The following LRRK2 variants were observed in gnomAD, a reference collection of about 807,000 sequenced individuals.
The protein encoded by LRRK2 is leucine rich repeat kinase 2.
In LRRK2, 203 loss-of-function variants were observed where a neutral mutation model predicts 302.6. That is an observed-to-expected ratio of 0.67 (90% confidence interval 0.60 to 0.75). LRRK2 has a LOEUF of 0.75. Among genes scored for constraint, LRRK2 ranks in the 30% least tolerant of loss-of-function variants. The pLI is 0.00. For missense variants in LRRK2, 2,830 were observed against 2,951.0 expected (o/e 0.96, Z 0.95); for synonymous variants, 1,066 against 1,031.9 (o/e 1.03, Z -0.63).
intron 4 of LRRK2, 79 bp downstream of exon 4, chr12:40,235,793 G>GTGTTTT: frequency 2.2e-6 from 1 of 462,710 alleles, no homozygotes; most frequent in Non-Finnish European, 3.7e-6. Flanking sequence ...GTGTGTGTGT[G>GTGTTTT]TTTTTTTTTT....
chr12:40,354,537 A>G, intron 45 of LRRK2, 45 bp downstream of exon 45: 7 of 1,528,276 alleles, frequency 4.6e-6, no homozygotes, highest in Non-Finnish European at 6.3e-6. Context: ...AGATCTTTTA[A>G]ACGACTGAAT....
chr12:40,324,097 G>C (rs1311131187), intron 38 of LRRK2, among the ~76,000 whole-genome samples: 1 of 152,092 alleles, frequency 6.6e-6, no homozygotes, highest in African/African-American at 2.4e-5. Flanking sequence ...ATATGTTACT[G>C]TATGTCATTC....
chr12:40,354,011 CGGAGAG>C (rs201024639), intron 44 of LRRK2, among the ~76,000 whole-genome samples: 7 of 151,722 alleles, frequency 4.6e-5, no homozygotes, highest in Non-Finnish European at 8.8e-5. Flanking sequence ...GAGAGGGAGA[CGGAGAG>C]GGAGAGGGAG....
At chr12:40,278,293 C>T (rs1446653339) in intron 18 of LRRK2, 32 bp downstream of exon 18, 1 of 1,612,442 alleles carries the variant, frequency 6.2e-7, no homozygotes, top group South Asian at 1.1e-5. Context: ...TTTGTCTTTG[C>T]TCAGTATTCT....
At chr12:40,297,433 C>A (rs1471613949) in intron 23 of LRRK2, among the ~76,000 whole-genome samples, 1 of 152,036 alleles carries the variant, frequency 6.6e-6, no homozygotes, top group African/African-American at 2.4e-5. Flanking sequence ...GGAACATTTC[C>A]TGATTAAACC....
chr12:40,264,160 GT>G (rs1942903189), intron 14 of LRRK2, among the ~76,000 whole-genome samples: 1 of 152,104 alleles, frequency 6.6e-6, no homozygotes, highest in Non-Finnish European at 1.5e-5. Context: ...ATCCACTCTA[GT>G]TTGCTCAACC....
rs111341148 is a variant in LRRK2, at chr12:40,298,346, G to A, written c.3200G>A (p.Arg1067Gln). The A allele has an allele frequency of 1.9e-5, 30 of 1,613,626 alleles. No individual in the cohort carries two copies. The highest frequency in any genetic ancestry group is 1.6e-4 in the East Asian group (7 of 44,854). ...MSCIANLDVS[R>Q]NDIGPSVVLD... ...TGTATTGCTAATCTTGATGTCTCTC[G>A]AAATGACATTGGACCCTCAGTGGTT... Residue 1067 changes from arginine to glutamine, a missense_variant, in exon 24 of 51, where the codon CGA becomes CAA. Physicochemically the swap from Arg to Gln is conservative, Grantham distance 43 (BLOSUM62 1). Coordinates refer to ENST00000298910, the MANE Select transcript of LRRK2 (RefSeq NM_198578.4).
rs774591662 is a variant in LRRK2, at chr12:40,363,436, A to C, written c.7063A>C (p.Ile2355Leu). ...TGCAGCTTTCAGTGATTCCAACATC[A>C]TAACAGTGGTGGTAGACACTGCTCT... The part of the protein sequence containing the change: ...SYAAFSDSNI[I>L]TVVVDTALYI... The change falls in exon 48 of 51, where the codon ATA becomes CTA. Residue 2355 changes from isoleucine to leucine, a missense_variant. By Grantham distance (5) the Ile-to-Leu change is conservative (BLOSUM62 2). Around this residue, in one of 3 missense-constraint regions of LRRK2, gnomAD observed 456 missense variants for 456.3 expected, o/e 1.00. Transcript: ENST00000298910. 1 of 1,611,866 alleles carries C rather than the reference A, an allele frequency of 6.2e-7. No individual in the cohort carries two copies. The highest frequency in any genetic ancestry group is 1.7e-5 in the Admixed American group (1 of 59,794).
Position 40,321,079 on chromosome 12 carries a change from C to G in LRRK2, c.5061C>G (p.Asn1687Lys), listed in dbSNP as rs780139602. The G allele has an allele frequency of 6.2e-7, 1 of 1,612,766 alleles. No homozygotes were observed. The highest frequency in any genetic ancestry group is 1.3e-5 in the African/African-American group (1 of 74,840). ...RPVIELPHCE[N>K]SEIIIRLYEM... ...TGATAGAGCTTCCCCATTGTGAGAA[C>G]TCTGAAATTATCATCCGACTATATG... Residue 1687 changes from asparagine to lysine, a missense_variant, in exon 35 of 51, where the codon AAC becomes AAG. Physicochemically the swap from Asn to Lys is moderately conservative, Grantham distance 94 (BLOSUM62 0). Coordinates refer to ENST00000298910, the MANE Select transcript of LRRK2 (RefSeq NM_198578.4).
chr12:40,251,529 G>C lies in LRRK2; in HGVS notation c.1166G>C (p.Gly389Ala), dbSNP rs757025267. The C allele has an allele frequency of 1.9e-6, 3 of 1,611,710 alleles. No individual in the cohort carries two copies. The Admixed American group carries it at 5.0e-5, about 27-fold the overall frequency. The change falls in exon 10 of 51, where the codon GGA becomes GCA. Residue 389 changes from glycine (G) to alanine (A), a missense_variant. By Grantham distance (60) the Gly-to-Ala change is moderately conservative. Transcript: ENST00000298910. ...CAAAACAGTTTACATGAGAAGATTG[G>C]AGATGAAGATGGCCAGTTAGTAGTT... ...MYQNSLHEKI[G>A]DEDGHFPAHR...
intron 12 of LRRK2, among the ~76,000 whole-genome samples, chr12:40,257,660 C>A (rs1592173055): frequency 6.6e-6 from 1 of 152,162 alleles, no homozygotes; most frequent in African/African-American, 2.4e-5. Context: ...TAGCACATAG[C>A]ATACAGCAGT....
intron 7 of LRRK2, among the ~76,000 whole-genome samples, chr12:40,244,541 T>C (rs535092352): frequency 5.4e-4 from 82 of 152,228 alleles, no homozygotes; most frequent in African/African-American, 1.9e-3. Flanking sequence ...AGGGTTAATA[T>C]TTTAAAAAAT....
intron 27 of LRRK2, chr12:40,304,397 C>T: frequency 1.9e-6 from 1 of 540,374 alleles, no homozygotes; most frequent in South Asian, 2.5e-5. Flanking sequence ...AGGTAGTAGC[C>T]TTAATACTTC....
intron 49 of LRRK2, 146 bp downstream of exon 49, chr12:40,365,196 A>G (rs1946840883): frequency 2.8e-6 from 2 of 715,582 alleles, no homozygotes; most frequent in Non-Finnish European, 4.7e-6. Context: ...ACTGGTATAA[A>G]TTGTGAATAG....
chr12:40,264,959 A>G (rs1422547349), intron 14 of LRRK2, among the ~76,000 whole-genome samples: 1 of 152,228 alleles, frequency 6.6e-6, no homozygotes, highest in Non-Finnish European at 1.5e-5. Context: ...TTATAAAAGG[A>G]GGAGCCTATT....
intron 48 of LRRK2, 48 bp downstream of exon 48, chr12:40,363,602 A>T (rs1441870454): frequency 6.3e-7 from 1 of 1,587,754 alleles, no homozygotes; most frequent in African/African-American, 1.3e-5. Context: ...TTATCTTTGC[A>T]CTTCATGTGT....
intron 14 of LRRK2, among the ~76,000 whole-genome samples, chr12:40,270,704 A>G (rs1408724345): frequency 1.3e-5 from 2 of 152,054 alleles, no homozygotes; most frequent in East Asian, 1.9e-4. Context: ...GTATATCTCA[A>G]TGTTAGTCCT....
At chr12:40,232,032 G>T (rs575625788) in intron 2 of LRRK2, among the ~76,000 whole-genome samples, 43 of 151,918 alleles carry the variant, frequency 2.8e-4, no homozygotes, top group African/African-American at 1.0e-3. Flanking sequence ...TCAAACTGCC[G>T]GCTGAAATGT....
At position 40,240,469 on chromosome 12, in the gene LRRK2, C is replaced by T. The variant is rs202012106; in HGVS notation, c.572-14C>T. ...TCTTTAAGCTTATTCAGTATTTTGT[C>T]TTTCATTTTTAAGTCTCAGAGGAGC... On this transcript the variant is annotated splice_polypyrimidine_tract_variant and intron_variant, in intron 5 of 50. Coordinates refer to ENST00000298910, the MANE Select transcript of LRRK2 (RefSeq NM_198578.4). The T allele has an allele frequency of 1.4e-5, 23 of 1,609,538 alleles. No individual in the cohort carries two copies. Among genetic ancestry groups the T allele is most frequent in the African/African-American group, 2.7e-5 (2 of 74,854 alleles).
Sources: gnomAD v4.1 joint callset for allele counts (sites outside exome capture counted in the v4.1 genomes callset) on GRCh38, gnomAD v4.1.1 for gene constraint, gnomAD v4.1.1 regional missense constraint, MANE v1.5 for transcripts, NCBI Gene and HGNC (gene_info 2026-07-23, HGNC 2026-07-21) for gene names.